The following HPS3 variants were observed in gnomAD, a reference collection of about 807,000 sequenced individuals.
HPS3 encodes HPS3 biogenesis of lysosomal organelles complex 2 subunit 1.
In HPS3, 79 loss-of-function variants were observed where a neutral mutation model predicts 110.9. The ratio of observed to expected loss-of-function variants is 0.71; its 90% CI spans 0.59 to 0.86. The LOEUF (loss-of-function observed/expected upper bound fraction) is 0.86. Ranked by LOEUF, HPS3 falls within the 40% of genes least tolerant of loss-of-function variation. The probability of loss-of-function intolerance (pLI) is 0.00; values close to 1 mark genes in which losing one functional copy is unlikely to be tolerated. For missense variants in HPS3, 1,197 were observed against 1,206.2 expected, an observed-to-expected ratio of 0.99 and a Z score of 0.11; for synonymous variants, 428 against 451.0, an observed-to-expected ratio of 0.95 and a Z score of 0.65.
In HPS3 at chr3:149,161,505, A is replaced by AC. The variant is rs1187487280; in HGVS notation, c.2107-640dup. On this transcript the variant is annotated intron_variant, in intron 11 of 16. Transcript: ENST00000296051. The stretch of plus-strand genomic sequence containing the variant: ...TTCAGAACAGAAGCAGTTCCCCCAC[A>AC]CCCTTTTTTTTTTTTTTTTTTTTTT... 2.3e-3 allele frequency among the ~76,000 whole-genome samples: 256 copies of AC among 109,362 alleles called. 3 individuals carry two copies. The highest frequency in any genetic ancestry group is 0.016 in the South Asian group (51 of 3,284). The allele number at this position is 109,362 out of a possible 152,430, so 71.7% of individuals were successfully genotyped here.
chr3:149,169,888 T>A (rs1724805090), intron 16 of HPS3, among the ~76,000 whole-genome samples: 1 of 152,230 alleles, frequency 6.6e-6, no homozygotes, highest in South Asian at 2.1e-4. Flanking sequence ...TGACAAATAT[T>A]TTCTAGACAT....
intron 11 of HPS3, among the ~76,000 whole-genome samples, chr3:149,161,878 A>G (rs2108167393): frequency 6.6e-6 from 1 of 152,282 alleles, no homozygotes; most frequent in South Asian, 2.1e-4. Flanking sequence ...CAGAAAATTG[A>G]CTGCATTTTC....
In HPS3 at chr3:149,150,701, A is replaced by G. The variant is rs199984484; in HGVS notation, c.1245+21A>G. The G allele has an allele frequency of 7.0e-6, 11 of 1,578,222 alleles. No individual in the cohort carries two copies. In the Admixed American group the frequency reaches 1.2e-4, roughly 17 times the overall value. Reference sequence around the variant, plus strand: ...TGAAGGTAAGAACTGGCTTATGAAGATAGTGAAACCTTAAGATCACAAGGG... The same window carrying G: ...TGAAGGTAAGAACTGGCTTATGAAGGTAGTGAAACCTTAAGATCACAAGGG... On this transcript the variant is annotated intron_variant, in intron 6 of 16. Transcript: ENST00000296051.
chr3:149,154,632 T>G (rs1162655886), intron 7 of HPS3, among the ~76,000 whole-genome samples: 2 of 152,248 alleles, frequency 1.3e-5, no homozygotes, highest in African/African-American at 4.8e-5. Context: ...TATCACATAG[T>G]GAAAGCAAGA....
chr3:149,154,536 T>C (rs1326939191), intron 7 of HPS3, among the ~76,000 whole-genome samples: 2 of 152,220 alleles, frequency 1.3e-5, no homozygotes, highest in African/African-American at 4.8e-5. Context: ...AATAGTATAA[T>C]TTTTTAAATG....
intron 9 of HPS3, among the ~76,000 whole-genome samples, 166 bp from the exon 10 acceptor site, chr3:149,158,500 A>G (rs1346534437): frequency 2.0e-5 from 3 of 152,200 alleles, no homozygotes; most frequent in African/African-American, 7.2e-5. Flanking sequence ...TAAAAATTCC[A>G]AATTTGACTA....
Position 149,158,699 on chromosome 3 carries a change from A to G in HPS3, c.1725A>G (p.Pro575=), listed in dbSNP as rs1222041639. Residue 575 remains proline, a synonymous_variant, in exon 10 of 17, where the codon CCA becomes CCG. Coordinates refer to ENST00000296051, the MANE Select transcript of HPS3 (RefSeq NM_032383.5). The stretch of plus-strand genomic sequence containing the variant: ...CCCAGCATTCTCATCTCACCTTGCC[A>G]TACTATAAGATGTCTGGTTTGTCTA... ...LDSQHSHLTL[P]YYKMSGLSMA... The G allele has an allele frequency of 3.7e-6, 6 of 1,613,678 alleles. No homozygotes were observed. The highest frequency in any genetic ancestry group is 3.3e-5 in the Admixed American group (2 of 59,972).
At position 149,172,311 on chromosome 3, in the gene HPS3, TTA is replaced by T. The variant is rs1258939824; in HGVS notation, c.*95_*96del. On this transcript the variant is annotated 3_prime_UTR_variant, in exon 17 of 17. Coordinates refer to ENST00000296051, the MANE Select transcript of HPS3 (RefSeq NM_032383.5). ...AGTACAAGTAGAGGAGTTTTTTATT[TTA>T]TATATCACACACACACACACACACA... 4.4e-5 allele frequency: 35 copies of T among 786,768 alleles called. No individual in the cohort carries two copies. The highest frequency in any genetic ancestry group is 6.3e-5 in the Non-Finnish European group (31 of 490,858). The allele number at this position is 786,768 out of a possible 1,614,324, so 48.7% of individuals were successfully genotyped here.
At chr3:149,172,033 T>A in intron 16 of HPS3, 62 bp from the exon 17 acceptor site, 1 of 1,562,118 alleles carries the variant, frequency 6.4e-7, no homozygotes. Flanking sequence ...GTTGGTTAAG[T>A]AAGAAGAGAT....
Position 149,172,317 on chromosome 3 carries a change from A to ACCACACACACACACAC in HPS3, c.*95_*96insCCACACACACACACAC. On this transcript the variant is annotated 3_prime_UTR_variant, in exon 17 of 17. Transcript: ENST00000296051. ...AGTAGAGGAGTTTTTTATTTTATAT[A>ACCACACACACACACAC]TCACACACACACACACACACACACA... 1.6e-6 allele frequency: 1 copy of ACCACACACACACACAC among 640,620 alleles called. No homozygotes were observed. The highest frequency in any genetic ancestry group is 2.8e-5 in the African/African-American group (1 of 35,968). 39.7% of individuals were successfully genotyped at this position (640,620 alleles called of 1,614,324 possible).
intron 13 of HPS3, 70 bp downstream of exon 13, chr3:149,162,948 A>C: frequency 8.0e-7 from 1 of 1,253,746 alleles, no homozygotes; most frequent in Non-Finnish European, 1.2e-6. Flanking sequence ...CCTTATTTTT[A>C]ATAACTTATT....
chr3:149,158,777 A>C lies in HPS3; in HGVS notation c.1803A>C (p.Lys601Asn), dbSNP rs1319513052. ...TDWTVEDGLQ[K>N]YERGLIFYIN... is the part of the protein sequence containing the mutation. ...GGACAGTAGAGGATGGATTACAGAA[A>C]TACGAGAGAGGATTAATCTTTTACA... Residue 601 changes from lysine to asparagine, a missense_variant, in exon 10 of 17, where the codon AAA (lysine) becomes AAC (asparagine). Transcript: ENST00000296051. The C allele has an allele frequency of 6.2e-7, 1 of 1,611,272 alleles. No individual in the cohort carries two copies. The highest frequency in any genetic ancestry group is 1.3e-5 in the African/African-American group (1 of 74,864).
chr3:149,145,493 TG>T lies in HPS3; in HGVS notation c.1111del (p.Glu371LysfsTer44). 1 of 1,614,132 alleles carries T rather than the reference TG, an allele frequency of 6.2e-7. No individual in the cohort carries two copies. The highest frequency in any genetic ancestry group is 1.1e-5 in the South Asian group (1 of 91,086). ...VELMSVYQYP[E>X]KSQQAVLTPQ... is the part of the protein sequence containing the mutation. Reference sequence around the variant, plus strand: ...AATTGATGTCAGTCTACCAGTATCCTGAAAAGTCTCAGCAGGCAGTACTCAC... The same window carrying T: ...AATTGATGTCAGTCTACCAGTATCCTAAAAGTCTCAGCAGGCAGTACTCAC... On this transcript the variant is annotated frameshift_variant, in exon 5 of 17. Coordinates refer to ENST00000296051, the MANE Select transcript of HPS3 (RefSeq NM_032383.5). LOFTEE classifies it high-confidence loss of function.
At chr3:149,130,571 G>C (rs1226901624) in intron 1 of HPS3, 1 of 152,764 alleles carries the variant, frequency 6.5e-6, no homozygotes, top group Non-Finnish European at 1.5e-5. Context: ...CACGATGTTA[G>C]GAGTTCGAGA....
intron 15 of HPS3, 105 bp from the exon 16 acceptor site, chr3:149,167,788 G>T: frequency 1.3e-6 from 1 of 750,824 alleles, no homozygotes; most frequent in South Asian, 1.4e-5. Flanking sequence ...TAGACAAAAT[G>T]ATGTATTTTT....
intron 14 of HPS3, chr3:149,166,149 C>A: frequency 2.6e-6 from 1 of 384,398 alleles, no homozygotes; most frequent in Admixed American, 3.3e-5. Context: ...GTGGTAGAAT[C>A]AAAAGTAGTA....
chr3:149,160,430 C>A, intron 11 of HPS3, 151 bp downstream of exon 11: 1 of 672,006 alleles, frequency 1.5e-6, no homozygotes, highest in South Asian at 1.6e-5. Context: ...CCAAATGGGA[C>A]TTCGGATCTG....
intron 4 of HPS3, 150 bp downstream of exon 4, chr3:149,141,530 TG>T (rs373920762): frequency 3.6e-3 from 1,961 of 539,428 alleles, no homozygotes; most frequent in Middle Eastern, 7.0e-3. Context: ...TTTTTTTTTT[TG>T]TTTTTTTTTT....
intron 1 of HPS3, among the ~76,000 whole-genome samples, chr3:149,138,658 A>G (rs1306916022): frequency 6.6e-6 from 1 of 152,254 alleles, no homozygotes; most frequent in African/African-American, 2.4e-5. Flanking sequence ...TACTATTTAT[A>G]GACGACAAAA....
Sources: gnomAD v4.1 joint callset for allele counts (sites outside exome capture counted in the v4.1 genomes callset) on GRCh38, gnomAD v4.1.1 for gene constraint, MANE v1.5 for transcripts, NCBI Gene and HGNC (gene_info 2026-07-23, HGNC 2026-07-21) for gene names.